Variants in DNAH11 observed in about 807,000 individuals in gnomAD.
The protein encoded by DNAH11 is axonemal beta dynein heavy chain 11.
A neutral mutation model predicts 526.0 loss-of-function variants in DNAH11; 442 were observed. The ratio of observed to expected loss-of-function variants is 0.84; its 90% CI spans 0.78 to 0.91. The LOEUF (loss-of-function observed/expected upper bound fraction) is 0.91. Among genes scored for constraint, DNAH11 ranks in the 40% least tolerant of loss-of-function variants. The probability of loss-of-function intolerance (pLI) is 0.00; values close to 1 mark genes in which losing one functional copy is unlikely to be tolerated. For missense variants in DNAH11, 6,989 were observed against 5,448.7 expected, an observed-to-expected ratio of 1.28 and a Z score of -8.90; for synonymous variants, 2,461 against 1,935.9, an observed-to-expected ratio of 1.27 and a Z score of -7.12.
At chr7:21,614,891 T>C (rs1035829486) in intron 20 of DNAH11, among the ~76,000 whole-genome samples, 1 of 152,178 alleles carries the variant, frequency 6.6e-6, no homozygotes, top group African/African-American at 2.4e-5. Context: ...ATAGGGACAG[T>C]ATTGTTGAAG....
intron 28 of DNAH11, among the ~76,000 whole-genome samples, chr7:21,650,968 A>G (rs948436510): frequency 6.6e-6 from 1 of 151,926 alleles, no homozygotes; most frequent in African/African-American, 2.4e-5. Flanking sequence ...AAAAAAAAAA[A>G]ACACATGCAA....
rs1313530002 is a variant in DNAH11 at position 21,616,205 on chromosome 7, T to C, written c.4012-4T>C. The C allele has an allele frequency of 1.9e-6, 3 of 1,613,142 alleles. No homozygotes were observed. In the Admixed American group the frequency reaches 5.0e-5, roughly 27 times the overall value. ...GACACTTTTATCTGCTTTTGCGTTTTCAGAGAAGCATTGATAATTGGACTA... is the reference window on the plus strand; with the variant it reads ...GACACTTTTATCTGCTTTTGCGTTTCCAGAGAAGCATTGATAATTGGACTA... On this transcript the variant is annotated splice_polypyrimidine_tract_variant and splice_region_variant and intron_variant, in intron 21 of 81. Transcript: ENST00000409508.
intron 14 of DNAH11, among the ~76,000 whole-genome samples, chr7:21,593,244 G>C (rs1227937237): frequency 6.6e-6 from 1 of 152,138 alleles, no homozygotes; most frequent in Non-Finnish European, 1.5e-5. Flanking sequence ...TCCTGACGTA[G>C]GACCTGAAAA....
chr7:21,869,134 A>G (rs1482136854), intron 73 of DNAH11, 143 bp downstream of exon 73: 1 of 1,223,490 alleles, frequency 8.2e-7, no homozygotes, highest in African/African-American at 1.5e-5. Flanking sequence ...AGTGTTCATG[A>G]TGCCTGCAAA....
chr7:21,590,853 A>G, intron 12 of DNAH11, 65 bp from the exon 13 acceptor site: 1 of 994,218 alleles, frequency 1.0e-6, no homozygotes, highest in East Asian at 3.2e-5. Context: ...TTCAAGTTAA[A>G]CTTGAGTTAA....
chr7:21,726,471 C>CT (rs34691664), intron 45 of DNAH11, among the ~76,000 whole-genome samples: 10 of 150,268 alleles, frequency 6.7e-5, no homozygotes, highest in East Asian at 2.0e-4. Flanking sequence ...AAAAAAAAGT[C>CT]TTTTTTTTTT....
chr7:21,823,177 T>G (rs2128003416), intron 65 of DNAH11, among the ~76,000 whole-genome samples: 1 of 152,196 alleles, frequency 6.6e-6, no homozygotes, highest in Non-Finnish European at 1.5e-5. Flanking sequence ...TTTTGAGGTC[T>G]TATCCCCAAA....
intron 28 of DNAH11, among the ~76,000 whole-genome samples, chr7:21,647,064 G>A (rs1787388039): frequency 6.6e-6 from 1 of 152,170 alleles, no homozygotes; most frequent in African/African-American, 2.4e-5. Flanking sequence ...TGTATTTCAT[G>A]TGTTCAAAAA....
At chr7:21,827,771 G>A (rs1790372391) in intron 65 of DNAH11, among the ~76,000 whole-genome samples, 1 of 151,934 alleles carries the variant, frequency 6.6e-6, no homozygotes, top group African/African-American at 2.4e-5. Flanking sequence ...CAGCTTTCCA[G>A]TTTATTAACT....
At chr7:21,718,353 G>T (rs1784749129) in intron 43 of DNAH11, among the ~76,000 whole-genome samples, 1 of 152,110 alleles carries the variant, frequency 6.6e-6, no homozygotes, top group African/African-American at 2.4e-5. Context: ...GCCCAGAGAA[G>T]GTGCTCAGTA....
chr7:21,589,406 A>G lies in DNAH11; in HGVS notation c.2169+3A>G. ...TCTGTGTCAATTTTGACCCAAAGGT[A>G]GGGATTTGATTTTTTAAGATGATTT... On this transcript the variant is annotated splice_donor_region_variant and intron_variant, in intron 12 of 81. Coordinates refer to ENST00000409508, the MANE Select transcript of DNAH11 (RefSeq NM_001277115.2). 6.3e-7 allele frequency: 1 copy of G among 1,593,616 alleles called. No homozygotes were observed. Among genetic ancestry groups the G allele is most frequent in the Non-Finnish European group, 8.5e-7 (1 of 1,172,538 alleles).
Position 21,687,272 on chromosome 7 carries a change from A to G in DNAH11, c.5778+17A>G. The G allele has an allele frequency of 6.4e-7, 1 of 1,563,080 alleles. No homozygotes were observed. On this transcript the variant is annotated intron_variant, in intron 33 of 81. Transcript: ENST00000409508. ...GACTACAAAGTAAGTTAGTAAGAGAATAATGTGTAAAACTTTATTCTCTAA... is the reference window on the plus strand; with the variant it reads ...GACTACAAAGTAAGTTAGTAAGAGAGTAATGTGTAAAACTTTATTCTCTAA...
intron 63 of DNAH11, among the ~76,000 whole-genome samples, chr7:21,811,995 G>A (rs1054477350): frequency 3.9e-5 from 6 of 152,168 alleles, no homozygotes; most frequent in Admixed American, 2.0e-4. Flanking sequence ...TGTGCATATC[G>A]GAAGCCAGGG....
At position 21,711,700 on chromosome 7, in the gene DNAH11, T is replaced by G. The variant is rs1784469503; in HGVS notation, c.6835-12T>G. 6.2e-7 allele frequency: 1 copy of G among 1,611,674 alleles called. No homozygotes were observed. Among genetic ancestry groups the G allele is most frequent in the African/African-American group, 1.3e-5 (1 of 74,972 alleles). On this transcript the variant is annotated splice_polypyrimidine_tract_variant and intron_variant, in intron 41 of 81. Coordinates refer to ENST00000409508, the MANE Select transcript of DNAH11 (RefSeq NM_001277115.2). ...CTTTTGCCCATGGGTGACAGTGTGC[T>G]GCTCACTCCAGGTGCTGACCCTCGC...
intron 74 of DNAH11, among the ~76,000 whole-genome samples, chr7:21,880,477 C>T (rs1261322072): frequency 6.6e-6 from 1 of 152,216 alleles, no homozygotes; most frequent in Non-Finnish European, 1.5e-5. Context: ...TAGAAGCATT[C>T]AGAAGCATGA....
chr7:21,846,076 A>T (rs1782405275), intron 66 of DNAH11, among the ~76,000 whole-genome samples: 1 of 152,172 alleles, frequency 6.6e-6, no homozygotes, highest in Non-Finnish European at 1.5e-5. Flanking sequence ...TTGTATATTA[A>T]TCTGTATCCT....
chr7:21,767,737 G>A (rs571095398), intron 55 of DNAH11, among the ~76,000 whole-genome samples: 58 of 152,144 alleles, frequency 3.8e-4, no homozygotes, highest in Non-Finnish European at 7.3e-4. Context: ...TGTGTCCATG[G>A]TCTTCTAAAA....
Position 21,564,266 on chromosome 7 carries a change from C to G in DNAH11, c.1063C>G (p.Pro355Ala). The G allele has an allele frequency of 5.0e-6, 8 of 1,613,664 alleles. No individual in the cohort carries two copies. Among genetic ancestry groups the G allele is most frequent in the Non-Finnish European group, 6.8e-6 (8 of 1,179,732 alleles). The change falls in exon 6 of 82, where the codon CCA becomes GCA. Residue 355 changes from proline to alanine, a missense_variant. Transcript: ENST00000409508. ...HIQCLQETEF[P>A]QTRILIAPLF... is the part of the protein sequence containing the mutation. ...CCAGTGTCTCCAGGAGACGGAATTC[C>G]CACAGACACGCATATTAATCGCTCC...
At chr7:21,607,061 G>A (rs1038537791) in intron 20 of DNAH11, among the ~76,000 whole-genome samples, 12 of 152,130 alleles carry the variant, frequency 7.9e-5, no homozygotes, top group Non-Finnish European at 1.8e-4. Flanking sequence ...GCAAGCTGAG[G>A]AACAAGGAAG....
Sources: allele counts gnomAD v4.1 joint callset (sites outside exome capture counted in the v4.1 genomes callset), GRCh38; gene constraint gnomAD v4.1.1; transcripts MANE v1.5; gene names NCBI Gene and HGNC (gene_info 2026-07-23, HGNC 2026-07-21).